The following TMEM135 variants were observed in gnomAD, a reference collection of about 807,000 sequenced individuals.
The protein encoded by TMEM135 is transmembrane protein 135, also known as peroxisomal membrane protein 52.
In TMEM135, 30 loss-of-function variants were observed where a neutral mutation model predicts 60.3. The ratio of observed to expected loss-of-function variants is 0.50; its 90% confidence interval spans 0.37 to 0.68. The LOEUF is 0.68. Among genes scored for constraint, TMEM135 ranks in the 30% least tolerant of loss-of-function variants. The pLI, the probability that TMEM135 is intolerant of heterozygous loss-of-function variation, is 0.00. For missense variants in TMEM135, 468 were observed against 548.8 expected (o/e 0.85, Z 1.47); for synonymous variants, 190 against 186.7 (o/e 1.02, Z -0.14).
chr11:87,157,073 TG>T (rs373737911), intron 4 of TMEM135, among the ~76,000 whole-genome samples: 28 of 110,576 alleles, frequency 2.5e-4, no homozygotes, highest in African/African-American at 7.9e-4. Flanking sequence ...TTCTTTCTTT[TG>T]TTTTTTTTTT....
intron 5 of TMEM135, among the ~76,000 whole-genome samples, chr11:87,231,782 A>G (rs1164055883): frequency 1.3e-5 from 2 of 152,146 alleles, no homozygotes; most frequent in Non-Finnish European, 2.9e-5. Context: ...AGATATGGAA[A>G]TAGGGGGAAA....
intron 6 of TMEM135, among the ~76,000 whole-genome samples, chr11:87,246,612 T>C (rs1220165237): frequency 6.6e-6 from 1 of 151,584 alleles, no homozygotes; most frequent in East Asian, 1.9e-4. Context: ...TGATCTTCCA[T>C]CACTGATACC....
At chr11:87,038,326 T>A in intron 1 of TMEM135, 140 bp downstream of exon 1, 2 of 219,008 alleles carry the variant, frequency 9.1e-6, no homozygotes, top group South Asian at 3.8e-5. Flanking sequence ...TTTTGGGGGG[T>A]CGGTAGGGGG....
At chr11:87,299,998 T>C (rs1942415243) in intron 7 of TMEM135, among the ~76,000 whole-genome samples, 1 of 152,078 alleles carries the variant, frequency 6.6e-6, no homozygotes, top group Non-Finnish European at 1.5e-5. Flanking sequence ...AAAAGACAAA[T>C]AAGATTTTTA....
chr11:87,062,538 A>C (rs1410053991), intron 1 of TMEM135, among the ~76,000 whole-genome samples: 1 of 149,156 alleles, frequency 6.7e-6, no homozygotes, highest in East Asian at 2.0e-4. Context: ...ATCTCAGCTC[A>C]CTGCAACCTC....
At chr11:87,269,206 G>A (rs1329458061) in intron 6 of TMEM135, among the ~76,000 whole-genome samples, 1 of 147,202 alleles carries the variant, frequency 6.8e-6, no homozygotes, top group Non-Finnish European at 1.5e-5. Context: ...ACTACACATT[G>A]TCCCCGAGGG....
intron 3 of TMEM135, among the ~76,000 whole-genome samples, chr11:87,076,439 C>T (rs536417559): frequency 2.0e-5 from 3 of 152,258 alleles, no homozygotes; most frequent in South Asian, 2.1e-4. Flanking sequence ...GGCAGTAGGC[C>T]CCCCCTCTGG....
chr11:87,228,059 T>G (rs1940804185), intron 5 of TMEM135, among the ~76,000 whole-genome samples: 1 of 152,180 alleles, frequency 6.6e-6, no homozygotes, highest in Non-Finnish European at 1.5e-5. Flanking sequence ...TTAAATGTAT[T>G]AAATAATTAA....
Position 87,058,577 on chromosome 11 carries a change from C to T in TMEM135, c.142-9117C>T, listed in dbSNP as rs948146695. Among the ~76,000 whole-genome samples the T allele has an allele frequency of 2.6e-5, 4 of 151,956 alleles. 1 individual carries two copies. Among genetic ancestry groups the T allele is most frequent in the Non-Finnish European group, 4.4e-5 (3 of 68,006 alleles). ...AACTTCTGGTCTCAAGTGATCCACC[C>T]GCCTTGGCCTATGATAAATTGTTTT... is the stretch of plus-strand genomic sequence containing the variant. On this transcript the variant is annotated intron_variant, in intron 1 of 14. Transcript: ENST00000305494.
At chr11:87,247,969 A>C (rs1405055657) in intron 6 of TMEM135, among the ~76,000 whole-genome samples, 8 of 151,242 alleles carry the variant, frequency 5.3e-5, no homozygotes, top group Admixed American at 6.6e-5. Flanking sequence ...GGGGCTTTAG[A>C]CTGGAGCTGT....
chr11:87,272,793 T>C (rs560847038), intron 6 of TMEM135, among the ~76,000 whole-genome samples: 4 of 152,334 alleles, frequency 2.6e-5, no homozygotes, highest in Non-Finnish European at 5.9e-5. Context: ...ATTGATACTC[T>C]GATTAATTCT....
At chr11:87,209,595 T>TGTTGA (rs1940314942) in intron 5 of TMEM135, among the ~76,000 whole-genome samples, 1 of 152,172 alleles carries the variant, frequency 6.6e-6, no homozygotes, top group Non-Finnish European at 1.5e-5. Flanking sequence ...CATATATTAA[T>TGTTGA]AGTGGGAGAC....
chr11:87,288,311 A>G (rs1942205474), intron 6 of TMEM135, among the ~76,000 whole-genome samples: 1 of 152,188 alleles, frequency 6.6e-6, no homozygotes, highest in Non-Finnish European at 1.5e-5. Flanking sequence ...AGCAGTGTAT[A>G]TCTATCCCAG....
chr11:87,313,829 T>G (rs1360522105), intron 11 of TMEM135, among the ~76,000 whole-genome samples: 2 of 151,882 alleles, frequency 1.3e-5, no homozygotes, highest in Non-Finnish European at 3.0e-5. Flanking sequence ...GAAAATTCTA[T>G]TTTTACCACT....
intron 6 of TMEM135, among the ~76,000 whole-genome samples, chr11:87,261,881 T>G (rs1260124420): frequency 6.6e-6 from 1 of 152,212 alleles, no homozygotes; most frequent in African/African-American, 2.4e-5. Context: ...TGCCTTGGCC[T>G]GCCAAAGTGT....
rs80111682 is a variant in TMEM135, at chr11:87,243,845, A to C, written c.509+7161A>C. Among the ~76,000 whole-genome samples, 13 of 56,310 alleles carry C rather than the reference A, an allele frequency of 2.3e-4. 3 individuals carry two copies. Among genetic ancestry groups the C allele is most frequent in the South Asian group, 1.8e-3 (3 of 1,694 alleles). 36.9% of individuals were successfully genotyped at this position (56,310 alleles called of 152,430 possible). A position where few individuals can be genotyped will look rare whatever the true frequency, so the allele number is the denominator to read the frequency against. The stretch of plus-strand genomic sequence containing the variant: ...TTCCTAATTGAATACCCTTTATTTC[A>C]TTCTCCTGCCTAATTGCCCTGGCCA... On this transcript the variant is annotated intron_variant, in intron 6 of 14. Transcript: ENST00000305494.
At chr11:87,191,389 C>G (rs569329325) in intron 5 of TMEM135, among the ~76,000 whole-genome samples, 1 of 152,012 alleles carries the variant, frequency 6.6e-6, no homozygotes, top group African/African-American at 2.4e-5. Context: ...TACAGGTGCC[C>G]GCCACCACGC....
intron 5 of TMEM135, among the ~76,000 whole-genome samples, chr11:87,225,951 A>G (rs1206010799): frequency 2.0e-5 from 3 of 151,816 alleles, no homozygotes; most frequent in South Asian, 2.1e-4. Context: ...CTTTTTCTCC[A>G]TGTTCATTGG....
intron 6 of TMEM135, among the ~76,000 whole-genome samples, chr11:87,283,592 C>G (rs1942108480): frequency 7.7e-6 from 1 of 129,370 alleles, no homozygotes; most frequent in African/African-American, 2.6e-5. Flanking sequence ...GGTGCGGTGG[C>G]TCACGCCTTG....
Sources: allele counts gnomAD v4.1 joint callset (sites outside exome capture counted in the v4.1 genomes callset), GRCh38; gene constraint gnomAD v4.1.1; transcripts MANE v1.5; gene names NCBI Gene and HGNC (gene_info 2026-07-23, HGNC 2026-07-21).